Variants in NAV3 observed in about 807,000 individuals in gnomAD.
NAV3 encodes pore membrane and/or filament interacting like protein 1.
NAV3 carries 87 observed loss-of-function variants against 244.7 expected under a neutral mutation model. That is an observed-to-expected ratio of 0.36 (90% CI 0.30 to 0.42). The LOEUF (loss-of-function observed/expected upper bound fraction) is 0.42, where lower values mean the gene tolerates loss of function less well. Among genes scored for constraint, NAV3 ranks in the 20% least tolerant of loss-of-function variants. The pLI is 1.00. For synonymous variants in NAV3, 1,126 were observed against 1,042.2 expected (o/e 1.08, Z -1.55); for missense variants, 2,663 against 2,893.3 (o/e 0.92, Z 1.83).
chr12:77,738,316 G>C (rs1868261660), intron 2 of NAV3, among the ~76,000 whole-genome samples: 3 of 152,034 alleles, frequency 2.0e-5, no homozygotes, highest in Non-Finnish European at 2.9e-5. Flanking sequence ...TAACCTCTCT[G>C]TGCTTCAGTT....
chr12:78,147,218 C>G (rs1412641556), intron 21 of NAV3, among the ~76,000 whole-genome samples: 1 of 151,952 alleles, frequency 6.6e-6, no homozygotes, highest in Non-Finnish European at 1.5e-5. Flanking sequence ...AATCTCTGAA[C>G]CAAAGAGTGG....
At chr12:77,878,843 C>T (rs1407642095) in intron 1 of NAV3, among the ~76,000 whole-genome samples, 1 of 151,752 alleles carries the variant, frequency 6.6e-6, no homozygotes, top group Non-Finnish European at 1.5e-5. Flanking sequence ...TAGTCTTTGG[C>T]AGTGAAATTT....
intron 8 of NAV3, among the ~76,000 whole-genome samples, chr12:78,018,378 T>C (rs2731412): frequency 0.42 from 63,588 of 152,042 alleles, 13,925 homozygotes; most frequent in Non-Finnish European, 0.47. Context: ...GGAAGATAGC[T>C]GTAAGTCAGC....
At chr12:77,686,424 CTTTTTTTT>C (rs10573795) in intron 2 of NAV3, among the ~76,000 whole-genome samples, 20 of 113,856 alleles carry the variant, frequency 1.8e-4, no homozygotes, top group African/African-American at 6.8e-4. Flanking sequence ...TTCTTTCTTT[CTTTTTTTT>C]TTTTTTTTTT....
At chr12:77,717,676 T>C (rs1876423414) in intron 2 of NAV3, among the ~76,000 whole-genome samples, 1 of 152,136 alleles carries the variant, frequency 6.6e-6, no homozygotes, top group African/African-American at 2.4e-5. Flanking sequence ...ACTTTCATAC[T>C]GTTTTCCATA....
intron 2 of NAV3, among the ~76,000 whole-genome samples, chr12:77,817,738 C>T (rs1872576140): frequency 6.6e-6 from 1 of 151,954 alleles, no homozygotes; most frequent in Admixed American, 6.6e-5. Context: ...ACCATATGCT[C>T]GTTATGTAAG....
At chr12:77,891,925 C>T (rs1033496981) in intron 1 of NAV3, among the ~76,000 whole-genome samples, 1 of 152,176 alleles carries the variant, frequency 6.6e-6, no homozygotes, top group Non-Finnish European at 1.5e-5. Flanking sequence ...AACAGCCTTG[C>T]AGGTGTGGTT....
intron 2 of NAV3, among the ~76,000 whole-genome samples, chr12:77,679,273 CG>C (rs557049402): frequency 6.8e-4 from 103 of 152,024 alleles, no homozygotes; most frequent in Non-Finnish European, 1.2e-3. Context: ...AACAGGTTAT[CG>C]GGGAAACAAC....
At chr12:77,791,354 CAA>C (rs5799345) in intron 2 of NAV3, among the ~76,000 whole-genome samples, 2,577 of 138,560 alleles carry the variant, frequency 0.019, 73 homozygotes, top group African/African-American at 0.055. Flanking sequence ...AACTCCATCT[CAA>C]AAAAAAAAAA....
At chr12:78,205,726 T>C (rs561538415) in intron 39 of NAV3, among the ~76,000 whole-genome samples, 8 of 152,026 alleles carry the variant, frequency 5.3e-5, no homozygotes, top group Non-Finnish European at 8.8e-5. Context: ...GTATGTAGTA[T>C]TATTAGGAAA....
chr12:77,896,393 A>G (rs1013781982), intron 1 of NAV3, among the ~76,000 whole-genome samples: 1 of 152,206 alleles, frequency 6.6e-6, no homozygotes, highest in Admixed American at 6.5e-5. Context: ...TCAAATTCAC[A>G]GTATTATATC....
At chr12:77,614,258 A>C (rs562188395) in intron 2 of NAV3, among the ~76,000 whole-genome samples, 2 of 151,594 alleles carry the variant, frequency 1.3e-5, no homozygotes, top group African/African-American at 4.8e-5. Context: ...GGACCCAGAC[A>C]TTGCCAAATG....
Position 78,059,043 on chromosome 12 carries a change from G to T in NAV3, c.2564G>T (p.Arg855Leu), listed in dbSNP as rs374085687. Reference protein sequence around the residue: ...GLNLYTRSLNRIPDTATSRDI... With the variant: ...GLNLYTRSLNLIPDTATSRDI... ...AACCTATATACTAGAAGTCTGAACC[G>T]AATACCAGACACAGCAACTTCCCGG... is the stretch of plus-strand genomic sequence containing the variant. The change falls in exon 12 of 40, where the codon CGA becomes CTA. Residue 855 changes from arginine (R) to leucine (L), a missense_variant. By Grantham distance (102) the Arg-to-Leu change is moderately radical. Around this residue, in one of 6 missense-constraint regions of NAV3, gnomAD observed 1,521 missense variants for 1,497.0 expected, o/e 1.02. Coordinates refer to ENST00000397909, the MANE Select transcript of NAV3 (RefSeq NM_001024383.2). The T allele has an allele frequency of 5.0e-6, 8 of 1,610,526 alleles. No individual in the cohort carries two copies. The South Asian group carries it at 8.8e-5, about 18-fold the overall frequency.
chr12:77,927,863 T>C (rs545983674), intron 1 of NAV3, among the ~76,000 whole-genome samples: 41 of 152,078 alleles, frequency 2.7e-4, no homozygotes, highest in Non-Finnish European at 4.3e-4. Flanking sequence ...TGCCAGAGTG[T>C]TTGATTGACT....
chr12:77,702,601 C>G (rs1875611880), intron 2 of NAV3, among the ~76,000 whole-genome samples: 2 of 151,562 alleles, frequency 1.3e-5, no homozygotes, highest in African/African-American at 2.4e-5. Flanking sequence ...GTTTTTTGCT[C>G]TAGGTGTTAC....
chr12:77,988,515 C>T (rs1186442044), intron 5 of NAV3, among the ~76,000 whole-genome samples: 2 of 152,012 alleles, frequency 1.3e-5, no homozygotes, highest in Non-Finnish European at 2.9e-5. Context: ...CCCTTCCATG[C>T]TTGAGAAAAA....
At position 77,895,451 on chromosome 12, in the gene NAV3, T is replaced by C. The variant is rs561161227; in HGVS notation, c.244-44868T>C. On this transcript the variant is annotated intron_variant, in intron 1 of 39. Coordinates refer to ENST00000397909, the MANE Select transcript of NAV3 (RefSeq NM_001024383.2). ...ACAAGAAAGGAAACATTATTTGAGT[T>C]TTGGGCATGCAGCAAGATATAAAAC... 1.7e-4 allele frequency among the ~76,000 whole-genome samples: 26 copies of C among 151,998 alleles called. No individual in the cohort carries two copies. In the South Asian group the frequency reaches 5.0e-3, roughly 29 times the overall value.
chr12:77,777,630 C>G (rs1021396644), intron 2 of NAV3, among the ~76,000 whole-genome samples: 1 of 152,008 alleles, frequency 6.6e-6, no homozygotes, highest in Non-Finnish European at 1.5e-5. Context: ...GGATAACTGT[C>G]CCACAGAAAC....
chr12:77,723,837 G>T (rs549346731), intron 2 of NAV3, among the ~76,000 whole-genome samples: 1 of 127,908 alleles, frequency 7.8e-6, no homozygotes, highest in East Asian at 2.5e-4. Context: ...TCAACCTTCT[G>T]CAACTTAAAC....
Sources: allele counts gnomAD v4.1 joint callset (sites outside exome capture counted in the v4.1 genomes callset), GRCh38; gene constraint gnomAD v4.1.1; regional missense constraint gnomAD v4.1.1; transcripts MANE v1.5; gene names NCBI Gene and HGNC (gene_info 2026-07-23, HGNC 2026-07-21).